The following DNER variants were observed in gnomAD, a reference collection of about 807,000 sequenced individuals.
DNER encodes delta/notch like EGF repeat containing.
DNER carries 33 observed loss-of-function variants against 78.2 expected under a neutral mutation model. The ratio of observed to expected loss-of-function variants is 0.42; its 90% CI spans 0.32 to 0.56. The LOEUF (loss-of-function observed/expected upper bound fraction) is 0.56. Ranked by LOEUF, DNER falls within the 20% of genes least tolerant of loss-of-function variation. The pLI is 0.11. For missense variants in DNER, 918 were observed against 975.3 expected (o/e 0.94, Z 0.78); for synonymous variants, 417 against 384.8 (o/e 1.08, Z -0.98).
intron 7 of DNER, among the ~76,000 whole-genome samples, chr2:229,463,868 G>C (rs976157589): frequency 1.3e-5 from 2 of 152,230 alleles, no homozygotes; most frequent in Non-Finnish European, 2.9e-5. Flanking sequence ...GAGATAATGA[G>C]AGAACACGTT....
At chr2:229,606,771 T>C (rs964886701) in intron 1 of DNER, among the ~76,000 whole-genome samples, 2 of 152,074 alleles carry the variant, frequency 1.3e-5, no homozygotes, top group African/African-American at 4.8e-5. Flanking sequence ...TGCGCTCCTG[T>C]AATCCCAGCT....
intron 9 of DNER, among the ~76,000 whole-genome samples, chr2:229,407,930 G>T (rs1295891649): frequency 6.6e-6 from 1 of 152,134 alleles, no homozygotes; most frequent in Non-Finnish European, 1.5e-5. Flanking sequence ...GGAAACTGAG[G>T]AAAGAGTCGA....
chr2:229,592,052 A>C (rs1697618577), intron 1 of DNER, among the ~76,000 whole-genome samples, 164 bp from the exon 2 acceptor site: 1 of 152,186 alleles, frequency 6.6e-6, no homozygotes, highest in African/African-American at 2.4e-5. Context: ...GGTGTACACC[A>C]AGGTCATCCG....
chr2:229,692,067 A>G (rs2154217407), intron 1 of DNER, among the ~76,000 whole-genome samples: 1 of 152,344 alleles, frequency 6.6e-6, no homozygotes, highest in East Asian at 1.9e-4. Flanking sequence ...CCCAGGTGAT[A>G]TAAGTTGAGC....
chr2:229,391,299 A>G (rs906486180), intron 10 of DNER, among the ~76,000 whole-genome samples: 10 of 152,246 alleles, frequency 6.6e-5, no homozygotes, highest in African/African-American at 2.2e-4. Context: ...AAGAGTTCTT[A>G]GTATACAGTA....
chr2:229,554,173 G>A (rs762687750), intron 4 of DNER, among the ~76,000 whole-genome samples: 1 of 152,186 alleles, frequency 6.6e-6, no homozygotes, highest in Non-Finnish European at 1.5e-5. Context: ...TAATGTCCCA[G>A]GGAGCATCTG....
chr2:229,585,020 A>G (rs1697473381), intron 4 of DNER, among the ~76,000 whole-genome samples: 1 of 152,112 alleles, frequency 6.6e-6, no homozygotes, highest in South Asian at 2.1e-4. Flanking sequence ...TGACTGATGC[A>G]GGAGGGGTGG....
intron 6 of DNER, among the ~76,000 whole-genome samples, chr2:229,480,900 G>A (rs537904616): frequency 1.3e-5 from 2 of 152,206 alleles, no homozygotes; most frequent in Non-Finnish European, 2.9e-5. Flanking sequence ...CTCTAGACCC[G>A]TAAAGTATGA....
chr2:229,517,233 A>G (rs1695998078), intron 5 of DNER, among the ~76,000 whole-genome samples: 1 of 152,212 alleles, frequency 6.6e-6, no homozygotes, highest in African/African-American at 2.4e-5. Flanking sequence ...ACTATGTGCC[A>G]GGCACTGTTC....
chr2:229,653,048 C>T (rs1675691939), intron 1 of DNER, among the ~76,000 whole-genome samples: 1 of 152,224 alleles, frequency 6.6e-6, no homozygotes, highest in Admixed American at 6.5e-5. Context: ...TAATTTGGAC[C>T]TGCATCTCAG....
At chr2:229,583,895 C>T (rs1697448038) in intron 4 of DNER, among the ~76,000 whole-genome samples, 1 of 152,192 alleles carries the variant, frequency 6.6e-6, no homozygotes, top group Non-Finnish European at 1.5e-5. Context: ...CTTTGTCAAG[C>T]TATGTTCATT....
intron 7 of DNER, among the ~76,000 whole-genome samples, chr2:229,454,875 A>ATTATAC (rs1559356168): frequency 1.1e-4 from 17 of 152,146 alleles, no homozygotes; most frequent in African/African-American, 4.1e-4. Context: ...TATACAGTCT[A>ATTATAC]AAAAAAGAAA....
At chr2:229,612,504 T>C (rs1435967033) in intron 1 of DNER, among the ~76,000 whole-genome samples, 4 of 152,206 alleles carry the variant, frequency 2.6e-5, no homozygotes, top group African/African-American at 7.2e-5. Flanking sequence ...AAAACTTCCA[T>C]TGGTATCAGA....
intron 6 of DNER, among the ~76,000 whole-genome samples, chr2:229,504,936 G>A (rs1178809715): frequency 6.6e-6 from 1 of 152,178 alleles, no homozygotes; most frequent in Admixed American, 6.5e-5. Flanking sequence ...GCATGTGGTG[G>A]AAGGGATAGC....
At chr2:229,563,534 GTCATCACCCCATCACCATCA>G (rs1697014465) in intron 4 of DNER, among the ~76,000 whole-genome samples, 1 of 75,806 alleles carries the variant, frequency 1.3e-5, no homozygotes, top group African/African-American at 5.4e-5. Context: ...CACCATCATC[GTCATCACCCCATCACCATCA>G]TCGTCATCAT....
At chr2:229,711,866 C>A (rs1258367589) in intron 1 of DNER, among the ~76,000 whole-genome samples, 2 of 152,072 alleles carry the variant, frequency 1.3e-5, no homozygotes, top group Non-Finnish European at 2.9e-5. Flanking sequence ...CCCCACCACC[C>A]CAGGTTTAAC....
At chr2:229,598,158 G>A (rs567718103) in intron 1 of DNER, among the ~76,000 whole-genome samples, 3 of 152,216 alleles carry the variant, frequency 2.0e-5, no homozygotes, top group African/African-American at 4.8e-5. Flanking sequence ...AGGGTTGCTC[G>A]AAGTGTGGAC....
At chr2:229,554,905 GAGAAGAGAA>G (rs1696823496) in intron 4 of DNER, among the ~76,000 whole-genome samples, 3 of 87,268 alleles carry the variant, frequency 3.4e-5, no homozygotes, top group Non-Finnish European at 7.1e-5. Context: ...GAGAAGAGAA[GAGAAGAGAA>G]GAGAAGAGAA....
At chr2:229,634,885 AC>A (rs1255850247) in intron 1 of DNER, among the ~76,000 whole-genome samples, 1 of 151,978 alleles carries the variant, frequency 6.6e-6, no homozygotes, top group Non-Finnish European at 1.5e-5. Flanking sequence ...ACCAATGGAA[AC>A]CCTTCAGGGC....
Sources: allele counts gnomAD v4.1 joint callset (sites outside exome capture counted in the v4.1 genomes callset), GRCh38; gene constraint gnomAD v4.1.1; transcripts MANE v1.5; gene names NCBI Gene and HGNC (gene_info 2026-07-23, HGNC 2026-07-21).